The following KHDRBS2 variants were observed in gnomAD, a reference collection of about 807,000 sequenced individuals.
The protein encoded by KHDRBS2 is KH RNA binding domain containing, signal transduction associated 2, also known as KH domain-containing, RNA-binding, signal transduction-associated protein 2.
A neutral mutation model predicts 44.3 loss-of-function variants in KHDRBS2; 26 were observed. The observed-to-expected ratio is 0.59, with a 90% CI of 0.43 to 0.81. KHDRBS2 has a LOEUF of 0.81. KHDRBS2 is among the 40% of genes least tolerant of loss of function. The probability of loss-of-function intolerance (pLI) is 0.00; values close to 1 mark genes in which losing one functional copy is unlikely to be tolerated. For missense variants in KHDRBS2, 476 were observed against 433.1 expected (o/e 1.10, Z -0.88); for synonymous variants, 194 against 151.1 (o/e 1.28, Z -2.08).
At chr6:61,705,369 C>A (rs141632670) in intron 7 of KHDRBS2, among the ~76,000 whole-genome samples, 4,103 of 151,782 alleles carry the variant, frequency 0.027, 80 homozygotes, top group Middle Eastern at 0.082. Context: ...ACAAAAATAA[C>A]CATAAAAAAT....
chr6:61,661,079 C>T, the KHDRBS2 span, among the ~76,000 whole-genome samples: 1 of 151,814 alleles, frequency 6.6e-6, no homozygotes, highest in Non-Finnish European at 1.5e-5. Context: ...CACATTACCA[C>T]TATGCTGCTA....
intron 4 of KHDRBS2, among the ~76,000 whole-genome samples, chr6:61,973,483 G>A (rs1771860777): frequency 6.6e-6 from 1 of 152,070 alleles, no homozygotes; most frequent in Non-Finnish European, 1.5e-5. Flanking sequence ...CTCTTGGTAG[G>A]TTTCCCAGAT....
chr6:61,987,598 T>C (rs1465709668), intron 3 of KHDRBS2, among the ~76,000 whole-genome samples: 5 of 152,176 alleles, frequency 3.3e-5, no homozygotes, highest in Admixed American at 2.0e-4. Context: ...GAAATTCAAA[T>C]AAACACACAT....
intron 2 of KHDRBS2, among the ~76,000 whole-genome samples, chr6:62,122,536 A>T (rs1192768495): frequency 1.3e-5 from 2 of 152,152 alleles, no homozygotes; most frequent in Non-Finnish European, 2.9e-5. Context: ...GGGTTTCATG[A>T]GGAAGTGGTT....
intron 2 of KHDRBS2, among the ~76,000 whole-genome samples, chr6:62,066,714 G>A (rs1793812584): frequency 6.6e-6 from 1 of 151,602 alleles, no homozygotes; most frequent in South Asian, 2.1e-4. Context: ...TTATGTGACA[G>A]GCAGTTTTCT....
intron 4 of KHDRBS2, among the ~76,000 whole-genome samples, chr6:61,957,599 C>T (rs1562527181): frequency 1.3e-5 from 2 of 152,130 alleles, no homozygotes; most frequent in Non-Finnish European, 2.9e-5. Context: ...GAGGAAATTC[C>T]TGCCTAATAA....
At chr6:61,681,106 A>G (rs1224584033) in intron 8 of KHDRBS2, 46 bp from the exon 9 acceptor site, 5 of 1,307,290 alleles carry the variant, frequency 3.8e-6, no homozygotes, top group East Asian at 2.3e-5. Flanking sequence ...CTTCACAGTT[A>G]CCAAAAATAG....
chr6:61,613,592 T>C, the KHDRBS2 span, among the ~76,000 whole-genome samples: 2 of 152,214 alleles, frequency 1.3e-5, no homozygotes, highest in Non-Finnish European at 2.9e-5. Flanking sequence ...CCCTACTATT[T>C]TCTTTCTGCA....
At chr6:61,607,519 G>GAAAAAAAAAAAAAAAAAAAAAAAAAA in the KHDRBS2 span, among the ~76,000 whole-genome samples, 13 of 23,318 alleles carry the variant, frequency 5.6e-4, 1 homozygote, top group Non-Finnish European at 8.3e-4. Context: ...TGAGTTCCAA[G>GAAAAAAAAAAAAAAAAAAAAAAAAAA]CAAAAAAAAA....
At chr6:61,953,958 G>GA (rs989093884) in intron 4 of KHDRBS2, among the ~76,000 whole-genome samples, 1 of 151,998 alleles carries the variant, frequency 6.6e-6, no homozygotes, top group Admixed American at 6.6e-5. Flanking sequence ...TTTCTAGACT[G>GA]AAAAAAAGAG....
chr6:62,216,850 A>G (rs1365367722), intron 1 of KHDRBS2, among the ~76,000 whole-genome samples: 1 of 151,390 alleles, frequency 6.6e-6, no homozygotes, highest in Non-Finnish European at 1.5e-5. Context: ...TCGTAAAATT[A>G]GACCATATTT....
chr6:62,173,043 C>T (rs1046248181), intron 2 of KHDRBS2, among the ~76,000 whole-genome samples: 2 of 151,820 alleles, frequency 1.3e-5, no homozygotes, highest in African/African-American at 4.8e-5. Context: ...GAAACAAGAG[C>T]AAACCAACAT....
the KHDRBS2 span, among the ~76,000 whole-genome samples, chr6:61,613,318 A>T: frequency 6.6e-6 from 1 of 152,176 alleles, no homozygotes; most frequent in African/African-American, 2.4e-5. Flanking sequence ...TATTTCCTGG[A>T]TGCTTAAGTG....
At chr6:61,700,128 A>G (rs1356245160) in intron 7 of KHDRBS2, among the ~76,000 whole-genome samples, 2 of 134,714 alleles carry the variant, frequency 1.5e-5, no homozygotes, top group Non-Finnish European at 3.5e-5. Context: ...ATAGCAGCAT[A>G]GAGGAAAATG....
chr6:62,034,465 A>G (rs1052949885), intron 3 of KHDRBS2, among the ~76,000 whole-genome samples: 1 of 151,868 alleles, frequency 6.6e-6, no homozygotes, highest in African/African-American at 2.4e-5. Context: ...TAAAAAGATC[A>G]TTCATCATGC....
At chr6:61,913,627 C>A (rs1363418904) in intron 4 of KHDRBS2, among the ~76,000 whole-genome samples, 1 of 151,134 alleles carries the variant, frequency 6.6e-6, no homozygotes, top group Non-Finnish European at 1.5e-5. Context: ...TGGGGAAAGA[C>A]TGAAAAAAAG....
At chr6:61,686,093 G>A (rs565573509) in intron 8 of KHDRBS2, among the ~76,000 whole-genome samples, 1 of 151,870 alleles carries the variant, frequency 6.6e-6, no homozygotes, top group South Asian at 2.1e-4. Context: ...ACTGAGTGCA[G>A]TCATGATACT....
chr6:62,155,383 T>G (rs530725501), intron 2 of KHDRBS2, among the ~76,000 whole-genome samples: 1 of 152,316 alleles, frequency 6.6e-6, no homozygotes, highest in South Asian at 2.1e-4. Flanking sequence ...ATCAACTAAG[T>G]TACTGAATAT....
chr6:61,674,995 T>C (rs1464447249), downstream of KHDRBS2, among the ~76,000 whole-genome samples: 1 of 151,786 alleles, frequency 6.6e-6, no homozygotes, highest in Admixed American at 6.6e-5. Context: ...ATCAGTGTAA[T>C]TGGGATGTCC....
Sources: allele counts gnomAD v4.1 joint callset (sites outside exome capture counted in the v4.1 genomes callset), GRCh38; gene constraint gnomAD v4.1.1; transcripts MANE v1.5; gene names NCBI Gene and HGNC (gene_info 2026-07-23, HGNC 2026-07-21).